Variants in ENTPD1 observed in about 807,000 individuals in gnomAD.
ENTPD1 encodes ATP diphosphohydrolase.
A neutral mutation model predicts 57.0 loss-of-function variants in ENTPD1; 33 were observed. The ratio of observed to expected loss-of-function variants is 0.58; its 90% CI spans 0.44 to 0.77. The LOEUF (loss-of-function observed/expected upper bound fraction) is 0.77. Among genes scored for constraint, ENTPD1 ranks in the 30% least tolerant of loss-of-function variants. ENTPD1 has a pLI of 0.00. For synonymous variants in ENTPD1, 202 were observed against 218.8 expected, an observed-to-expected ratio of 0.92 and a Z score of 0.68; for missense variants, 501 against 603.4, an observed-to-expected ratio of 0.83 and a Z score of 1.78.
intron 1 of ENTPD1, among the ~76,000 whole-genome samples, chr10:95,747,308 T>G (rs983737527): frequency 6.6e-6 from 1 of 152,244 alleles, no homozygotes; most frequent in African/African-American, 2.4e-5. Flanking sequence ...CTTCGTATAT[T>G]CATCTATAAC....
rs2098480459 is a variant in ENTPD1, at chr10:95,871,561, A to G, written c.*5178A>G. 1.0e-6 allele frequency: 1 copy of G among 985,358 alleles called. No individual in the cohort carries two copies. 61.0% of individuals were successfully genotyped at this position (985,358 alleles called of 1,614,324 possible). A position where few individuals can be genotyped will look rare whatever the true frequency, so the allele number is the denominator to read the frequency against. ...GAACACAATCAGTTTTATCACAGGT[A>G]TAATGGATTTTTCAATAGTGAGGAG... On this transcript the variant is annotated 3_prime_UTR_variant, in exon 10 of 10. Coordinates refer to ENST00000371205, the MANE Select transcript of ENTPD1 (RefSeq NM_001776.6).
intron 1 of ENTPD1, among the ~76,000 whole-genome samples, chr10:95,737,327 G>A (rs188481954): frequency 8.9e-4 from 135 of 152,110 alleles, no homozygotes; most frequent in Non-Finnish European, 8.1e-4. Context: ...AGTTAATTGG[G>A]GGCCTAATTT....
Position 95,870,895 on chromosome 10 carries a change from C to A in ENTPD1, c.*4512C>A, listed in dbSNP as rs563164459. ...ATTGATTTTCATGTTTGTGAGTCTGCAAGCCAGCTGGGCAGCTCTACTTCA... is the reference window on the plus strand; with the variant it reads ...ATTGATTTTCATGTTTGTGAGTCTGAAAGCCAGCTGGGCAGCTCTACTTCA... On this transcript the variant is annotated 3_prime_UTR_variant, in exon 10 of 10. Transcript: ENST00000371205. The A allele has an allele frequency of 7.1e-6, 7 of 985,446 alleles. No homozygotes were observed. Among genetic ancestry groups the A allele is most frequent in the Middle Eastern group, 1.0e-3 (2 of 1,914 alleles). The allele number at this position is 985,446 out of a possible 1,614,324, so 61.0% of individuals were successfully genotyped here. A position where few individuals can be genotyped will look rare whatever the true frequency, so the allele number is the denominator to read the frequency against.
At chr10:95,777,733 T>C (rs1319025813) in intron 1 of ENTPD1, among the ~76,000 whole-genome samples, 2 of 152,238 alleles carry the variant, frequency 1.3e-5, no homozygotes, top group African/African-American at 4.8e-5. Context: ...GTCTGCTGCC[T>C]TTTGTTCAGC....
chr10:95,870,992 T>G lies in ENTPD1; in HGVS notation c.*4609T>G. ...TTGTCCAGTGGTTTCTAGGGATATG[T>G]TCTCATGATGAACCCCGCAGAGGCT... On this transcript the variant is annotated 3_prime_UTR_variant, in exon 10 of 10. Transcript: ENST00000371205. 1 of 985,436 alleles carries G rather than the reference T, an allele frequency of 1.0e-6. No individual in the cohort carries two copies. The highest frequency in any genetic ancestry group is 1.7e-5 in the African/African-American group (1 of 57,364). The allele number at this position is 985,436 out of a possible 1,614,324, so 61.0% of individuals were successfully genotyped here.
chr10:95,814,880 T>G (rs2098324646), intron 1 of ENTPD1, among the ~76,000 whole-genome samples: 1 of 152,182 alleles, frequency 6.6e-6, no homozygotes, highest in Non-Finnish European at 1.5e-5. Flanking sequence ...CCCTTCCTTC[T>G]TATTTCCTGG....
At chr10:95,861,012 C>A (rs2098464422) in intron 8 of ENTPD1, among the ~76,000 whole-genome samples, 1 of 152,216 alleles carries the variant, frequency 6.6e-6, no homozygotes, top group African/African-American at 2.4e-5. Context: ...AAAAGCTATC[C>A]CAGACTCAGC....
chr10:95,789,035 G>T (rs1367668209), intron 1 of ENTPD1, among the ~76,000 whole-genome samples: 1 of 152,188 alleles, frequency 6.6e-6, no homozygotes, highest in Admixed American at 6.6e-5. Context: ...CAGTTCAGTG[G>T]AAGAACATGA....
rs115761536 is a variant in ENTPD1 at position 95,836,982 on chromosome 10, C to T, written c.145-2709C>T. On this transcript the variant is annotated intron_variant, in intron 2 of 9. Coordinates refer to ENST00000371205, the MANE Select transcript of ENTPD1 (RefSeq NM_001776.6). ...GAAGACAAAATGTTTGGCACAGTTG[C>T]ACAGGTTAGCATGCTAGTGTACTGT... 1.4e-3 allele frequency among the ~76,000 whole-genome samples: 209 copies of T among 152,308 alleles called. 3 individuals are homozygous for T. The highest frequency in any genetic ancestry group is 4.9e-3 in the African/African-American group (204 of 41,562).
chr10:95,697,837 G>T, the ENTPD1 span, among the ~76,000 whole-genome samples: 94 of 152,274 alleles, frequency 6.2e-4, no homozygotes, highest in African/African-American at 1.9e-3. Flanking sequence ...GAGAATGAAC[G>T]AAGACAGAAA....
At chr10:95,778,192 C>T (rs1343080197) in intron 1 of ENTPD1, among the ~76,000 whole-genome samples, 1 of 152,158 alleles carries the variant, frequency 6.6e-6, no homozygotes, top group Non-Finnish European at 1.5e-5. Flanking sequence ...CCAGGTACCT[C>T]AGTTGGAAAT....
At chr10:95,727,543 C>T (rs377676085) in intron 1 of ENTPD1, among the ~76,000 whole-genome samples, 3 of 152,080 alleles carry the variant, frequency 2.0e-5, no homozygotes, top group South Asian at 2.1e-4. Context: ...CAAGATGTGC[C>T]GTGGGAAGAA....
At position 95,869,555 on chromosome 10, in the gene ENTPD1, T is replaced by C; in HGVS notation, c.*3172T>C. On this transcript the variant is annotated 3_prime_UTR_variant, in exon 10 of 10. Coordinates refer to ENST00000371205, the MANE Select transcript of ENTPD1 (RefSeq NM_001776.6). ...GTGAGCCACCATGCCTGGCCAGAAG[T>C]GGTTACTTCTGTAGACAAAAGAATA... 1 of 985,208 alleles carries C rather than the reference T, an allele frequency of 1.0e-6. No homozygotes were observed. Among genetic ancestry groups the C allele is most frequent in the Non-Finnish European group, 1.2e-6 (1 of 829,882 alleles). 61.0% of individuals were successfully genotyped at this position (985,208 alleles called of 1,614,324 possible).
At chr10:95,860,192 T>C (rs2098463062) in intron 7 of ENTPD1, among the ~76,000 whole-genome samples, 1 of 152,140 alleles carries the variant, frequency 6.6e-6, no homozygotes, top group Admixed American at 6.5e-5. Context: ...CCTTTCTCTC[T>C]CTTTTCTTAT....
At chr10:95,754,363 C>A (rs2098017465), upstream of ENTPD1, 1 of 151,658 alleles carries the variant, frequency 6.6e-6, no homozygotes, top group Admixed American at 6.6e-5. Flanking sequence ...AGTAGAGAAC[C>A]GTTGCCACAG....
chr10:95,749,652 C>T (rs568131685), intron 1 of ENTPD1, among the ~76,000 whole-genome samples: 8 of 152,184 alleles, frequency 5.3e-5, no homozygotes, highest in East Asian at 1.9e-4. Context: ...TGTGGATATT[C>T]GGGAGGACAG....
In ENTPD1 at chr10:95,791,826, G is replaced by A. The variant is rs1217929080; in HGVS notation, c.17-31411G>A. Among the ~76,000 whole-genome samples the A allele has an allele frequency of 6.6e-6, 1 of 152,140 alleles. No homozygotes were observed. The highest frequency in any genetic ancestry group is 1.5e-5 in the Non-Finnish European group (1 of 68,014). On this transcript the variant is annotated intron_variant, in intron 1 of 9. Coordinates refer to ENST00000371205, the MANE Select transcript of ENTPD1 (RefSeq NM_001776.6). This position sits in a 1 kb window ranked among gnomAD's most constrained non-coding sequence, Gnocchi z 4.1. ...GGTGAGACTACAGAAAGTCCCCAGG[G>A]AACTCTGGAGTGTGTGAACTCTAAG...
Position 95,873,726 on chromosome 10 carries a change from G to A in ENTPD1, c.*7343G>A. Reference sequence around the variant, plus strand: ...TGTATTAGTTCGTTTCCATGCTGCTGATAAAGACATATCTGAGACTGGAAA... The same window carrying A: ...TGTATTAGTTCGTTTCCATGCTGCTAATAAAGACATATCTGAGACTGGAAA... On this transcript the variant is annotated 3_prime_UTR_variant, in exon 10 of 10. Transcript: ENST00000371205. 1.0e-6 allele frequency: 1 copy of A among 977,008 alleles called. No individual in the cohort carries two copies. The highest frequency in any genetic ancestry group is 1.2e-6 in the Non-Finnish European group (1 of 822,266). 60.5% of individuals were successfully genotyped at this position (977,008 alleles called of 1,614,324 possible).
intron 1 of ENTPD1, among the ~76,000 whole-genome samples, chr10:95,749,220 G>A (rs1300564603): frequency 1.3e-5 from 2 of 152,332 alleles, no homozygotes; most frequent in African/African-American, 4.8e-5. Context: ...ATTTTGTGCA[G>A]CAAAGGGAGG....
Sources: gnomAD v4.1 joint callset for allele counts (sites outside exome capture counted in the v4.1 genomes callset) on GRCh38, gnomAD v4.1.1 for gene constraint, Gnocchi (gnomAD v3.1) non-coding constraint, MANE v1.5 for transcripts, NCBI Gene and HGNC (gene_info 2026-07-23, HGNC 2026-07-21) for gene names.